SARAF: variants seen among roughly 807,000 people sequenced by gnomAD.
SARAF encodes the protein store-operated calcium entry associated regulatory factor.
In SARAF, 23 loss-of-function variants were observed where a neutral mutation model predicts 39.7. The observed-to-expected ratio is 0.58, with a 90% CI of 0.42 to 0.82. The LOEUF is 0.82. Among genes scored for constraint, SARAF ranks in the 40% least tolerant of loss-of-function variants. SARAF has a pLI of 0.00. For missense variants in SARAF, 384 were observed against 418.5 expected (o/e 0.92, Z 0.72); for synonymous variants, 175 against 168.5 (o/e 1.04, Z -0.30).
In SARAF at chr8:30,069,126, A is replaced by C. The variant is rs1585435768; in HGVS notation, c.700+516T>G. The stretch of plus-strand genomic sequence containing the variant: ...CTCTGATTAAGAGTATTTATAATTT[A>C]ATCAGGCATTTTTTTTTTTTTTTTT... On this transcript the variant is annotated intron_variant, in intron 3 of 5. Coordinates refer to ENST00000256255, the MANE Select transcript of SARAF (RefSeq NM_016127.6). Among the ~76,000 whole-genome samples, 3 of 145,200 alleles carry C rather than the reference A, an allele frequency of 2.1e-5. No individual in the cohort carries two copies. The Admixed American group carries it at 2.2e-4, about 11-fold the overall frequency.
chr8:30,072,933 T>C (rs1388348566), intron 2 of SARAF, among the ~76,000 whole-genome samples: 2 of 152,226 alleles, frequency 1.3e-5, no homozygotes, highest in Non-Finnish European at 2.9e-5. Context: ...TTCATTTTTG[T>C]ATATTGCAAT....
At chr8:30,064,561 A>ATTTTTTTTATTTTT (rs1801637796) in intron 5 of SARAF, among the ~76,000 whole-genome samples, 2 of 46,228 alleles carry the variant, frequency 4.3e-5, no homozygotes, top group Non-Finnish European at 6.9e-5. Flanking sequence ...ATATATATAT[A>ATTTTTTTTATTTTT]TTTTTTTTTT....
intron 3 of SARAF, 135 bp downstream of exon 3, chr8:30,069,507 T>C (rs1472731931): frequency 1.1e-5 from 10 of 925,736 alleles, no homozygotes; most frequent in African/African-American, 3.3e-5. Flanking sequence ...GTAAAAGAAG[T>C]TGAAAGTAAA....
chr8:30,066,609 T>C (rs976674012), intron 4 of SARAF, among the ~76,000 whole-genome samples, 168 bp downstream of exon 4: 4 of 152,174 alleles, frequency 2.6e-5, no homozygotes, highest in African/African-American at 9.7e-5. Context: ...ACATACACAA[T>C]ACTGATCAAA....
chr8:30,076,269 C>T (rs1458406943), intron 1 of SARAF, among the ~76,000 whole-genome samples: 1 of 152,204 alleles, frequency 6.6e-6, no homozygotes, highest in African/African-American at 2.4e-5. Context: ...TGACTGTGTG[C>T]ACTCTGACTG....
intron 3 of SARAF, chr8:30,067,171 T>G: frequency 2.4e-6 from 1 of 413,662 alleles, no homozygotes; most frequent in Admixed American, 3.8e-5. Flanking sequence ...TAAAATGACA[T>G]CTGCCCTGCT....
At chr8:30,067,095 G>A in intron 3 of SARAF, 177 bp from the exon 4 acceptor site, 2 of 668,276 alleles carry the variant, frequency 3.0e-6, no homozygotes, top group South Asian at 4.1e-5. Flanking sequence ...TTTATAATGA[G>A]GGAGAGCATT....
At chr8:30,067,894 T>G (rs1441227056) in intron 3 of SARAF, among the ~76,000 whole-genome samples, 5 of 152,164 alleles carry the variant, frequency 3.3e-5, no homozygotes, top group African/African-American at 7.2e-5. Context: ...TAGAATTGGG[T>G]ATGCATGTTT....
At chr8:30,067,515 C>A (rs561413092) in intron 3 of SARAF, among the ~76,000 whole-genome samples, 1 of 152,198 alleles carries the variant, frequency 6.6e-6, no homozygotes, top group Admixed American at 6.5e-5. Context: ...TTCTGGCACC[C>A]CAGAAGGCTC....
rs1801677128 is a variant in SARAF at position 30,066,025 on chromosome 8, T to C, written c.957A>G (p.Val319=). The change falls in exon 5 of 6, where the codon GTA becomes GTG. Residue 319 remains valine (V), a synonymous_variant. Coordinates refer to ENST00000256255, the MANE Select transcript of SARAF (RefSeq NM_016127.6). ...TGGTTTTCGTGTCTGAGTTTGAACA[T>C]ACCGAATAGCTGCCCGAGCCTCCAT... The part of the protein sequence containing the change: ...PLHGGSGSYS[V]CSNSDTKTRT... 1.2e-6 allele frequency: 2 copies of C among 1,614,176 alleles called. No homozygotes were observed. The highest frequency in any genetic ancestry group is 1.1e-5 in the South Asian group (1 of 91,082).
chr8:30,083,179 G>C (rs1332979300), upstream of SARAF: 1 of 435,966 alleles, frequency 2.3e-6, no homozygotes, highest in Non-Finnish European at 4.1e-6. Flanking sequence ...CTGGAGCACA[G>C]CGCGGCTTGG....
Position 30,082,969 on chromosome 8 carries a change from G to A in SARAF, c.-20C>T, listed in dbSNP as rs183975016. The stretch of plus-strand genomic sequence containing the variant: ...GGCCATGGCGCTCGATGAAGATGGC[G>A]CCGGGCTGCCAGACGCCTACGGGCC... On this transcript the variant is annotated 5_prime_UTR_variant, in exon 1 of 6. Transcript: ENST00000256255. The A allele has an allele frequency of 2.9e-4, 443 of 1,532,724 alleles. No homozygotes were observed. The highest frequency in any genetic ancestry group is 6.2e-4 in the Admixed American group (31 of 49,674). 94.9% of individuals were successfully genotyped at this position (1,532,724 alleles called of 1,614,324 possible). A position where few individuals can be genotyped will look rare whatever the true frequency, so the allele number is the denominator to read the frequency against.
intron 1 of SARAF, 45 bp downstream of exon 1, chr8:30,082,802 C>G (rs1802138731): frequency 7.1e-7 from 1 of 1,408,798 alleles, no homozygotes; most frequent in African/African-American, 1.5e-5. Flanking sequence ...CTGACGGCGG[C>G]GGAAAAGGGC....
chr8:30,063,982 G>C (rs1438484254), intron 5 of SARAF, 69 bp from the exon 6 acceptor site: 3 of 1,333,734 alleles, frequency 2.2e-6, no homozygotes, highest in Non-Finnish European at 3.2e-6. Context: ...AAAATTACAA[G>C]TCATACATGT....
At chr8:30,064,557 A>ATTT (rs1458215350) in intron 5 of SARAF, among the ~76,000 whole-genome samples, 6 of 50,658 alleles carry the variant, frequency 1.2e-4, no homozygotes, top group African/African-American at 3.8e-4. Flanking sequence ...ATATATATAT[A>ATTT]TATATTTTTT....
At chr8:30,081,987 G>C (rs1802111343) in intron 1 of SARAF, among the ~76,000 whole-genome samples, 1 of 152,094 alleles carries the variant, frequency 6.6e-6, no homozygotes, top group South Asian at 2.1e-4. Flanking sequence ...TACGGTGAAA[G>C]CCAATGGGAA....
chr8:30,078,484 A>C, intron 1 of SARAF, among the ~76,000 whole-genome samples: 1 of 152,172 alleles, frequency 6.6e-6, no homozygotes, highest in Non-Finnish European at 1.5e-5. Flanking sequence ...CCATATAGAA[A>C]AGATAAGACT....
At chr8:30,069,457 G>A (rs1281594661) in intron 3 of SARAF, among the ~76,000 whole-genome samples, 185 bp downstream of exon 3, 1 of 151,888 alleles carries the variant, frequency 6.6e-6, no homozygotes, top group African/African-American at 2.4e-5. Context: ...CATTAACATA[G>A]CAACCACAAT....
Position 30,083,037 on chromosome 8 carries a change from C to G in SARAF, c.-88G>C. 3 of 990,578 alleles carry G rather than the reference C, an allele frequency of 3.0e-6. No homozygotes were observed. Among genetic ancestry groups the G allele is most frequent in the Non-Finnish European group, 4.3e-6 (3 of 696,060 alleles). The allele number at this position is 990,578 out of a possible 1,614,324, so 61.4% of individuals were successfully genotyped here. ...CGCGCGCGACGCTGCGCAGCTACAC[C>G]GCTACCCCTGGCGGCGGCGAAGGAA... On this transcript the variant is annotated 5_prime_UTR_variant, in exon 1 of 6. Coordinates refer to ENST00000256255, the MANE Select transcript of SARAF (RefSeq NM_016127.6).
Sources: gnomAD v4.1 joint callset for allele counts (sites outside exome capture counted in the v4.1 genomes callset) on GRCh38, gnomAD v4.1.1 for gene constraint, MANE v1.5 for transcripts, NCBI Gene and HGNC (gene_info 2026-07-23, HGNC 2026-07-21) for gene names.